Variants in STX8 observed in about 807,000 individuals in gnomAD.
STX8 encodes the protein syntaxin 8.
In STX8, 23 loss-of-function variants were observed where a neutral mutation model predicts 37.5. The observed-to-expected ratio is 0.61, with a 90% CI of 0.44 to 0.87. The LOEUF (loss-of-function observed/expected upper bound fraction) is 0.87. Ranked by LOEUF, STX8 falls within the 40% of genes least tolerant of loss-of-function variation. The pLI is 0.00. For synonymous variants in STX8, 115 were observed against 99.1 expected, an observed-to-expected ratio of 1.16 and a Z score of -0.95; for missense variants, 313 against 284.7, an observed-to-expected ratio of 1.10 and a Z score of -0.71.
chr17:9,373,909 A>C (rs1269121371), intron 7 of STX8, among the ~76,000 whole-genome samples: 1 of 150,516 alleles, frequency 6.6e-6, no homozygotes, highest in Non-Finnish European at 1.5e-5. Context: ...ATTGCATTCC[A>C]GTCAGGGCAA....
chr17:9,496,723 T>C (rs1309983161), intron 5 of STX8, among the ~76,000 whole-genome samples: 1 of 152,138 alleles, frequency 6.6e-6, no homozygotes, highest in Non-Finnish European at 1.5e-5. Context: ...AGTATAATCA[T>C]ATGAGTCCTG....
intron 7 of STX8, among the ~76,000 whole-genome samples, chr17:9,375,658 A>G (rs547927885): frequency 1.3e-5 from 2 of 152,330 alleles, no homozygotes; most frequent in East Asian, 1.9e-4. Flanking sequence ...TGATATATAT[A>G]TGTTAGGTTG....
chr17:9,429,533 C>G (rs915036841), intron 6 of STX8, among the ~76,000 whole-genome samples: 1 of 141,514 alleles, frequency 7.1e-6, no homozygotes, highest in African/African-American at 2.6e-5. Context: ...GAAACCCCAT[C>G]TCTACTAAAG....
rs58213453 is a variant in STX8, at chr17:9,360,227, C to CTTTTTTTTTTT, written c.643+18314_643+18324dup. 1.3e-3 allele frequency among the ~76,000 whole-genome samples: 98 copies of CTTTTTTTTTTT among 72,606 alleles called. 6 individuals are homozygous for CTTTTTTTTTTT. The highest frequency in any genetic ancestry group is 4.9e-3 in the African/African-American group (92 of 18,698). 47.6% of individuals were successfully genotyped at this position (72,606 alleles called of 152,430 possible). On this transcript the variant is annotated intron_variant, in intron 7 of 7. Coordinates refer to ENST00000306357, the MANE Select transcript of STX8 (RefSeq NM_004853.3). Reference sequence around the variant, plus strand: ...ATACATATAATGTAAAATTAACCGTCTTTTTTTTTTTTTTTTTTTTTTTTG... The same window carrying CTTTTTTTTTTT: ...ATACATATAATGTAAAATTAACCGTCTTTTTTTTTTTTTTTTTTTTTTTTTTTTTTTTTTTG...
intron 4 of STX8, among the ~76,000 whole-genome samples, chr17:9,532,669 A>C (rs1465043287): frequency 6.6e-6 from 1 of 152,218 alleles, no homozygotes. Context: ...ACAAATATTC[A>C]TTCCCATAAA....
At chr17:9,485,337 A>T (rs1298803164) in intron 6 of STX8, among the ~76,000 whole-genome samples, 1 of 152,158 alleles carries the variant, frequency 6.6e-6, no homozygotes, top group African/African-American at 2.4e-5. Context: ...ATGAGGAAGG[A>T]GTAACTGGGC....
intron 7 of STX8, among the ~76,000 whole-genome samples, chr17:9,267,781 G>T (rs533738294): frequency 2.6e-5 from 4 of 152,146 alleles, no homozygotes; most frequent in Non-Finnish European, 4.4e-5. Context: ...CTGAGGTCAG[G>T]AGTTCAAGAC....
At chr17:9,546,371 AT>A (rs1190201773) in intron 3 of STX8, among the ~76,000 whole-genome samples, 10 of 140,300 alleles carry the variant, frequency 7.1e-5, no homozygotes, top group African/African-American at 1.3e-4. Flanking sequence ...TTCCACAACA[AT>A]TCATAAGTGA....
chr17:9,569,151 C>T (rs1907581689), intron 1 of STX8, among the ~76,000 whole-genome samples: 1 of 152,204 alleles, frequency 6.6e-6, no homozygotes, highest in Non-Finnish European at 1.5e-5. Context: ...AATGAGAAAG[C>T]ATGTGGGGGG....
chr17:9,324,831 TCA>T (rs974145834), intron 7 of STX8, among the ~76,000 whole-genome samples: 40 of 150,750 alleles, frequency 2.7e-4, no homozygotes, highest in African/African-American at 9.3e-4. Flanking sequence ...TTATTTGGCC[TCA>T]GTTGCTCTGA....
At chr17:9,453,921 G>A (rs1905115871) in intron 6 of STX8, among the ~76,000 whole-genome samples, 1 of 152,146 alleles carries the variant, frequency 6.6e-6, no homozygotes, top group Non-Finnish European at 1.5e-5. Flanking sequence ...GTCTGGATGG[G>A]GAAGCATGGA....
rs1382114832 is a variant in STX8 at position 9,429,775 on chromosome 17, C to T, written c.542-51122G>A. Among the ~76,000 whole-genome samples, 14 of 9,710 alleles carry T rather than the reference C, an allele frequency of 1.4e-3. No homozygotes were observed. The African/African-American group carries it at 0.025, about 17-fold the overall frequency. The allele number at this position is 9,710 out of a possible 152,430, so 6.4% of individuals were successfully genotyped here. A position where few individuals can be genotyped will look rare whatever the true frequency, so the allele number is the denominator to read the frequency against. On this transcript the variant is annotated intron_variant, in intron 6 of 7. Transcript: ENST00000306357. Reference sequence around the variant, plus strand: ...ATTATATTTTATATATTATATATAACATATATATTTTATATATTATATATA... The same window carrying T: ...ATTATATTTTATATATTATATATAATATATATATTTTATATATTATATATA...
At chr17:9,393,261 C>A (rs1401018327) in intron 6 of STX8, among the ~76,000 whole-genome samples, 2 of 152,166 alleles carry the variant, frequency 1.3e-5, no homozygotes, top group Non-Finnish European at 1.5e-5. Context: ...GCAAAACTAT[C>A]CTTCAGCACC....
rs1306139825 is a variant in STX8, at chr17:9,391,720, GA to G, written c.542-13068del. Among the ~76,000 whole-genome samples, 980 of 136,606 alleles carry G rather than the reference GA, an allele frequency of 7.2e-3. 11 individuals are homozygous for G. The highest frequency in any genetic ancestry group is 0.024 in the African/African-American group (888 of 37,284). 89.6% of individuals were successfully genotyped at this position (136,606 alleles called of 152,430 possible). ...ATTGGGTTACAGAAAAAGAGAGAGA[GA>G]AAAAAAAAAAGGAAACCATATTGCT... On this transcript the variant is annotated intron_variant, in intron 6 of 7. Transcript: ENST00000306357.
intron 5 of STX8, among the ~76,000 whole-genome samples, chr17:9,496,095 G>A (rs1904390683): frequency 7.2e-6 from 1 of 139,336 alleles, no homozygotes; most frequent in South Asian, 2.3e-4. Context: ...TTTTTTTTGA[G>A]ACAGAGTTTC....
intron 6 of STX8, among the ~76,000 whole-genome samples, chr17:9,399,429 A>G (rs1751629118): frequency 6.6e-6 from 1 of 152,192 alleles, no homozygotes; most frequent in Non-Finnish European, 1.5e-5. Context: ...GGAGTGGCAA[A>G]GCTGGGTCTG....
intron 7 of STX8, among the ~76,000 whole-genome samples, chr17:9,314,558 C>T (rs1909315137): frequency 1.3e-5 from 2 of 150,962 alleles, no homozygotes; most frequent in East Asian, 2.0e-4. Flanking sequence ...CACTCCCATG[C>T]CCGGCTAATT....
At chr17:9,395,013 T>C (rs1376614510) in intron 6 of STX8, among the ~76,000 whole-genome samples, 1 of 150,790 alleles carries the variant, frequency 6.6e-6, no homozygotes, top group Non-Finnish European at 1.5e-5. Flanking sequence ...GAGGCAGAGG[T>C]TGCAGTGAGC....
chr17:9,457,331 G>A (rs532489622), intron 6 of STX8, among the ~76,000 whole-genome samples: 2 of 152,298 alleles, frequency 1.3e-5, no homozygotes, highest in South Asian at 4.1e-4. Flanking sequence ...TGCCTTTCCA[G>A]CTTCTAGGGG....
Sources: gnomAD v4.1 joint callset for allele counts (sites outside exome capture counted in the v4.1 genomes callset) on GRCh38, gnomAD v4.1.1 for gene constraint, MANE v1.5 for transcripts, NCBI Gene and HGNC (gene_info 2026-07-23, HGNC 2026-07-21) for gene names.